Variants in DPYSL2 observed in about 807,000 individuals in gnomAD.
The protein encoded by DPYSL2 is dihydropyrimidinase like 2, also known as dihydropyrimidinase-related protein 2.
In DPYSL2, 13 loss-of-function variants were observed where a neutral mutation model predicts 69.9. The ratio of observed to expected loss-of-function variants is 0.19; its 90% CI spans 0.12 to 0.30. The LOEUF (loss-of-function observed/expected upper bound fraction) is 0.30. Among genes scored for constraint, DPYSL2 ranks in the 10% least tolerant of loss-of-function variants. The pLI is 1.00. For missense variants in DPYSL2, 587 were observed against 918.9 expected, an observed-to-expected ratio of 0.64 and a Z score of 4.67; for synonymous variants, 326 against 359.1, an observed-to-expected ratio of 0.91 and a Z score of 1.04.
chr8:26,568,784 A>G (rs1005787132), intron 1 of DPYSL2, among the ~76,000 whole-genome samples: 1 of 140,048 alleles, frequency 7.1e-6, no homozygotes, highest in Non-Finnish European at 1.5e-5. Context: ...GAATCGACAC[A>G]GATTCTGAAT....
chr8:26,557,289 A>G (rs139792583), intron 1 of DPYSL2, among the ~76,000 whole-genome samples: 220 of 151,994 alleles, frequency 1.4e-3, no homozygotes, highest in East Asian at 4.5e-3. Context: ...AAAATTGCAA[A>G]AGACACACAT....
In DPYSL2 at chr8:26,572,743, G is replaced by A. The variant is rs538622584; in HGVS notation, c.355-9226G>A. ...TCGAACTCCTGATCTCAGGTGATCC[G>A]CCCACTTCAGCCTCCCAGGTGTTGG... On this transcript the variant is annotated intron_variant, in intron 1 of 13. Coordinates refer to ENST00000521913, the MANE Select transcript of DPYSL2 (RefSeq NM_001197293.3). Among the ~76,000 whole-genome samples the A allele has an allele frequency of 1.4e-4, 21 of 152,156 alleles. No homozygotes were observed. The South Asian group carries it at 2.1e-3, about 15-fold the overall frequency.
intron 1 of DPYSL2, among the ~76,000 whole-genome samples, chr8:26,579,048 C>T (rs925568070): frequency 6.6e-6 from 1 of 152,222 alleles, no homozygotes; most frequent in African/African-American, 2.4e-5. Flanking sequence ...CCCCTTCTGC[C>T]GCTCAGGAGG....
chr8:26,536,976 A>G (rs371678334), intron 1 of DPYSL2, among the ~76,000 whole-genome samples: 1 of 152,294 alleles, frequency 6.6e-6, no homozygotes, highest in South Asian at 2.1e-4. Flanking sequence ...GAAAATGTCT[A>G]CTGAATCTGA....
intron 1 of DPYSL2, among the ~76,000 whole-genome samples, chr8:26,574,404 C>G (rs1159671027): frequency 1.3e-5 from 2 of 152,188 alleles, no homozygotes. Flanking sequence ...AAAATGCATT[C>G]TTCCCACTCA....
chr8:26,628,747 G>T (rs988019109), intron 7 of DPYSL2, among the ~76,000 whole-genome samples: 3 of 152,264 alleles, frequency 2.0e-5, no homozygotes, highest in East Asian at 1.9e-4. Context: ...GCCGAGCAGT[G>T]GGGGAAGATC....
chr8:26,578,321 G>T, intron 1 of DPYSL2: 1 of 1,614,036 alleles, frequency 6.2e-7, no homozygotes, highest in Non-Finnish European at 8.5e-7. Context: ...GAAATCTGCG[G>T]TCGGCCAGCC....
In DPYSL2 at chr8:26,626,541, T is replaced by C; in HGVS notation, c.794-76T>C. On this transcript the variant is annotated intron_variant, in intron 4 of 13. Coordinates refer to ENST00000521913, the MANE Select transcript of DPYSL2 (RefSeq NM_001197293.3). The surrounding 1 kb of genome is among the most constrained non-coding windows in gnomAD (Gnocchi z 4.3). ...CACACACGTACACACACAGACAGTA[T>C]TATCACTTTCTTATCCCTTATTTGG... 1.5e-6 allele frequency: 2 copies of C among 1,315,246 alleles called. No individual in the cohort carries two copies. The highest frequency in any genetic ancestry group is 2.4e-5 in the South Asian group (2 of 82,818). The allele number at this position is 1,315,246 out of a possible 1,614,324, so 81.5% of individuals were successfully genotyped here. A position where few individuals can be genotyped will look rare whatever the true frequency, so the allele number is the denominator to read the frequency against.
chr8:26,589,630 G>A (rs1801679344), intron 3 of DPYSL2, among the ~76,000 whole-genome samples: 1 of 152,204 alleles, frequency 6.6e-6, no homozygotes, highest in Non-Finnish European at 1.5e-5. Flanking sequence ...TGCAGCCCCA[G>A]CTCCCTGAGT....
intron 3 of DPYSL2, among the ~76,000 whole-genome samples, chr8:26,594,129 G>T (rs533210730): frequency 6.6e-6 from 1 of 152,146 alleles, no homozygotes; most frequent in Non-Finnish European, 1.5e-5. Flanking sequence ...CTGTCTGAGC[G>T]TGATCATCCT....
At chr8:26,595,567 A>AT (rs2129791624) in intron 3 of DPYSL2, among the ~76,000 whole-genome samples, 1 of 152,298 alleles carries the variant, frequency 6.6e-6, no homozygotes, top group Admixed American at 6.5e-5. Flanking sequence ...GGGGGGTTGC[A>AT]TTCCTCGCTG....
Position 26,627,091 on chromosome 8 carries a change from C to A in DPYSL2, c.856-124C>A. 3 of 849,716 alleles carry A rather than the reference C, an allele frequency of 3.5e-6. No homozygotes were observed. The highest frequency in any genetic ancestry group is 2.2e-5 in the Admixed American group (1 of 45,220). 52.6% of individuals were successfully genotyped at this position (849,716 alleles called of 1,614,324 possible). ...CCTCATCATATCAAAAAAAGTCAGG[C>A]TAATAGAATCGCCTAGGTGTCCTGT... On this transcript the variant is annotated intron_variant, in intron 5 of 13. Transcript: ENST00000521913. The surrounding 1 kb of genome is among the most constrained non-coding windows in gnomAD (Gnocchi z 6.9).
At chr8:26,569,035 T>C (rs919773947) in intron 1 of DPYSL2, among the ~76,000 whole-genome samples, 1 of 152,120 alleles carries the variant, frequency 6.6e-6, no homozygotes, top group Admixed American at 6.5e-5. Context: ...TCCAGTCAGG[T>C]GAATCCTCAC....
At chr8:26,535,414 T>C (rs992827361) in intron 1 of DPYSL2, among the ~76,000 whole-genome samples, 1 of 152,128 alleles carries the variant, frequency 6.6e-6, no homozygotes, top group Non-Finnish European at 1.5e-5. Context: ...GTCATACATA[T>C]AAAGTTTTGG....
In DPYSL2 at chr8:26,514,542, C is replaced by T. The variant is rs1303154314; in HGVS notation, c.217C>T (p.His73Tyr). 4.1e-5 allele frequency: 62 copies of T among 1,529,836 alleles called. No individual in the cohort carries two copies. The East Asian group carries it at 1.2e-3, about 30-fold the overall frequency. The allele number at this position is 1,529,836 out of a possible 1,614,324, so 94.8% of individuals were successfully genotyped here. A position where few individuals can be genotyped will look rare whatever the true frequency, so the allele number is the denominator to read the frequency against. Residue 73 changes from histidine (H) to tyrosine (Y), a missense_variant, in exon 1 of 14, where the codon CAC (histidine) becomes TAC (tyrosine). Transcript: ENST00000521913. The surrounding 1 kb of genome is among the most constrained non-coding windows in gnomAD (Gnocchi z 8.4). ...QVVAQQRDVA[H>Y]LGPDPQPPYS... ...GGTGGCTCAGCAGCGGGACGTCGCC[C>T]ACTTGGGCCCGGACCCGCAGCCGCC...
chr8:26,604,985 T>G lies in DPYSL2; in HGVS notation c.629-19158T>G, dbSNP rs527379322. Among the ~76,000 whole-genome samples, 9 of 152,222 alleles carry G rather than the reference T, an allele frequency of 5.9e-5. No homozygotes were observed. In the East Asian group the frequency reaches 1.4e-3, roughly 23 times the overall value. The stretch of plus-strand genomic sequence containing the variant: ...ACGTCTTGCATTTACCATGGGAAAT[T>G]GTTAGCGTGGTCATCATTTGGTCTG... On this transcript the variant is annotated intron_variant, in intron 3 of 13. Transcript: ENST00000521913.
At chr8:26,553,718 A>T (rs915221416) in intron 1 of DPYSL2, among the ~76,000 whole-genome samples, 2 of 152,078 alleles carry the variant, frequency 1.3e-5, no homozygotes, top group Non-Finnish European at 1.5e-5. Context: ...AGAACAATTT[A>T]TATTCCTTTG....
At position 26,514,238 on chromosome 8, in the gene DPYSL2, C is replaced by T; in HGVS notation, c.-88C>T. On this transcript the variant is annotated 5_prime_UTR_variant, in exon 1 of 14. Transcript: ENST00000521913. This position sits in a 1 kb window ranked among gnomAD's most constrained non-coding sequence, Gnocchi z 8.4. ...CGGCGAACGGCAGCCGCGGCAGCAGCTAGGGGGCTTGTGCACACAGCGAGG... is the reference window on the plus strand; with the variant it reads ...CGGCGAACGGCAGCCGCGGCAGCAGTTAGGGGGCTTGTGCACACAGCGAGG... The T allele has an allele frequency of 8.3e-7, 1 of 1,199,610 alleles. No individual in the cohort carries two copies. The highest frequency in any genetic ancestry group is 1.1e-6 in the Non-Finnish European group (1 of 911,716). The allele number at this position is 1,199,610 out of a possible 1,614,324, so 74.3% of individuals were successfully genotyped here. A position where few individuals can be genotyped will look rare whatever the true frequency, so the allele number is the denominator to read the frequency against.
In DPYSL2 at chr8:26,655,817, G is replaced by A. The variant is rs1204746844; in HGVS notation, c.*111G>A. ...TTTTTGTTTTTTTTTTTAAGAGCCT[G>A]TGATAGTTACTGTGGAGCAGCCAGT... is the stretch of plus-strand genomic sequence containing the variant. On this transcript the variant is annotated 3_prime_UTR_variant, in exon 14 of 14. Coordinates refer to ENST00000521913, the MANE Select transcript of DPYSL2 (RefSeq NM_001197293.3). 2.9e-6 allele frequency: 3 copies of A among 1,047,196 alleles called. No homozygotes were observed. In the East Asian group the frequency reaches 8.1e-5, roughly 28 times the overall value. 64.9% of individuals were successfully genotyped at this position (1,047,196 alleles called of 1,614,324 possible).
Sources: gnomAD v4.1 joint callset for allele counts (sites outside exome capture counted in the v4.1 genomes callset) on GRCh38, gnomAD v4.1.1 for gene constraint, Gnocchi (gnomAD v3.1) non-coding constraint, MANE v1.5 for transcripts, NCBI Gene and HGNC (gene_info 2026-07-23, HGNC 2026-07-21) for gene names.